Variants in RPTOR observed in about 807,000 individuals in gnomAD.
RPTOR encodes the protein regulatory associated protein of MTOR complex 1, also known as regulatory-associated protein of mTOR.
In RPTOR, 21 loss-of-function variants were observed where a neutral mutation model predicts 169.9. The ratio of observed to expected loss-of-function variants is 0.12; its 90% CI spans 0.09 to 0.18. The LOEUF (loss-of-function observed/expected upper bound fraction) is 0.18. Among genes scored for constraint, RPTOR ranks in the 10% least tolerant of loss-of-function variants. The pLI is 1.00. For missense variants in RPTOR, 1,133 were observed against 1,855.9 expected, an observed-to-expected ratio of 0.61 and a Z score of 7.16; for synonymous variants, 732 against 753.2, an observed-to-expected ratio of 0.97 and a Z score of 0.46.
intron 23 of RPTOR, 127 bp downstream of exon 23, chr17:80,923,800 G>A: frequency 2.9e-6 from 3 of 1,047,692 alleles, no homozygotes; most frequent in Non-Finnish European, 4.1e-6. Context: ...CTGCCGTCCT[G>A]GGTCTGTGGG....
intron 21 of RPTOR, among the ~76,000 whole-genome samples, chr17:80,910,046 C>G (rs2068593790): frequency 6.6e-6 from 1 of 152,144 alleles, no homozygotes; most frequent in Non-Finnish European, 1.5e-5. Flanking sequence ...GTCACTCTAC[C>G]CTTGAGCAGA....
intron 9 of RPTOR, among the ~76,000 whole-genome samples, chr17:80,825,549 G>C (rs1386751260): frequency 3.9e-5 from 6 of 152,224 alleles, no homozygotes; most frequent in Non-Finnish European, 7.3e-5. Flanking sequence ...AAAAAGGCCA[G>C]CTATTCTGCA....
At chr17:80,826,750 G>T (rs975761479) in intron 9 of RPTOR, among the ~76,000 whole-genome samples, 1 of 152,222 alleles carries the variant, frequency 6.6e-6, no homozygotes, top group Admixed American at 6.5e-5. Context: ...CCTCCAGTGG[G>T]GTGCACAGGG....
chr17:80,898,168 CA>C (rs1259308663), intron 20 of RPTOR, among the ~76,000 whole-genome samples: 1 of 152,144 alleles, frequency 6.6e-6, no homozygotes, highest in Non-Finnish European at 1.5e-5. Context: ...AAGCTAGCTT[CA>C]AAAAGTTTTA....
In RPTOR at chr17:80,757,059, TG is replaced by T. The variant is rs2066687769; in HGVS notation, c.830+2879del. 2.0e-5 allele frequency among the ~76,000 whole-genome samples: 3 copies of T among 151,842 alleles called. No individual in the cohort carries two copies. In the South Asian group the frequency reaches 6.2e-4, roughly 32 times the overall value. On this transcript the variant is annotated intron_variant, in intron 6 of 33. Coordinates refer to ENST00000306801, the MANE Select transcript of RPTOR (RefSeq NM_020761.3). Reference sequence around the variant, plus strand: ...AAATGAATGGCCTGGAAGACTACAGTGGGGGCTCACAGGAGGCCATGGGAAA... The same window carrying T: ...AAATGAATGGCCTGGAAGACTACAGTGGGGCTCACAGGAGGCCATGGGAAA...
intron 12 of RPTOR, among the ~76,000 whole-genome samples, chr17:80,856,343 A>T (rs528669411): frequency 9.2e-5 from 14 of 152,204 alleles, no homozygotes; most frequent in African/African-American, 3.1e-4. Flanking sequence ...ATATTCACCA[A>T]TGAAATCACA....
chr17:80,811,490 A>G (rs2067271176), intron 7 of RPTOR, among the ~76,000 whole-genome samples: 1 of 152,188 alleles, frequency 6.6e-6, no homozygotes, highest in Non-Finnish European at 1.5e-5. Context: ...TTCATTGAAG[A>G]TCATCTCACA....
At chr17:80,918,465 TCGCCGGAGTCATAGCCAC>T (rs2068702965) in intron 21 of RPTOR, among the ~76,000 whole-genome samples, 6 of 126,290 alleles carry the variant, frequency 4.8e-5, no homozygotes, top group Admixed American at 1.6e-4. Flanking sequence ...ACGAGCACCC[TCGCCGGAGTCATAGCCAC>T]GAGCACCCTC....
At chr17:80,602,695 T>G in intron 1 of RPTOR, 3 of 745,434 alleles carry the variant, frequency 4.0e-6, no homozygotes, top group East Asian at 5.1e-5. Flanking sequence ...GGGACATTCC[T>G]TATTCCTTTG....
At chr17:80,705,387 A>C (rs72849959) in intron 3 of RPTOR, among the ~76,000 whole-genome samples, 4,729 of 152,320 alleles carry the variant, frequency 0.031, 94 homozygotes, top group Non-Finnish European at 0.045. Flanking sequence ...GCCTTGGATT[A>C]GCTTTTGGTT....
At chr17:80,706,379 G>A (rs1433176438) in intron 3 of RPTOR, among the ~76,000 whole-genome samples, 3 of 152,136 alleles carry the variant, frequency 2.0e-5, no homozygotes, top group Admixed American at 1.3e-4. Flanking sequence ...GTAGCTCCTC[G>A]CATGACCCAC....
intron 26 of RPTOR, among the ~76,000 whole-genome samples, chr17:80,946,291 C>T (rs1461594523): frequency 2.0e-5 from 3 of 152,178 alleles, no homozygotes; most frequent in Non-Finnish European, 4.4e-5. Flanking sequence ...TGGTTCACAC[C>T]TCCATTTCTT....
chr17:80,575,241 C>T (rs971205350), intron 1 of RPTOR, among the ~76,000 whole-genome samples: 6 of 146,466 alleles, frequency 4.1e-5, no homozygotes, highest in East Asian at 4.2e-4. Context: ...TGGCTCCTTC[C>T]GCCTTGGCCT....
intron 3 of RPTOR, among the ~76,000 whole-genome samples, chr17:80,668,882 A>C (rs943536204): frequency 3.3e-5 from 5 of 152,240 alleles, no homozygotes; most frequent in African/African-American, 9.6e-5. Context: ...AACTGTTTTA[A>C]AGGTCAGATT....
chr17:80,647,459 C>G (rs148163518), intron 3 of RPTOR, among the ~76,000 whole-genome samples: 49 of 152,136 alleles, frequency 3.2e-4, no homozygotes, highest in African/African-American at 9.6e-4. Flanking sequence ...CAGTTTAGTA[C>G]AGGATGGAAG....
chr17:80,835,640 G>A (rs551707331), intron 9 of RPTOR, among the ~76,000 whole-genome samples: 19 of 152,180 alleles, frequency 1.2e-4, no homozygotes, highest in Non-Finnish European at 2.2e-4. Context: ...CCGACCTTGC[G>A]GGCGCAAACT....
intron 3 of RPTOR, among the ~76,000 whole-genome samples, chr17:80,681,931 CGGT>C (rs960481794): frequency 6.6e-6 from 1 of 151,890 alleles, no homozygotes; most frequent in Non-Finnish European, 1.5e-5. Context: ...AATATTCTCT[CGGT>C]GTATTAGAAT....
intron 24 of RPTOR, among the ~76,000 whole-genome samples, chr17:80,938,683 GTGT>G (rs1248688667): frequency 1.3e-5 from 2 of 152,110 alleles, no homozygotes; most frequent in African/African-American, 4.8e-5. Context: ...CTTTTTTGCT[GTGT>G]TGTTGCTGTT....
intron 20 of RPTOR, among the ~76,000 whole-genome samples, chr17:80,896,564 AGCCGCGCCGACACCCCACACG>A (rs1310840301): frequency 7.0e-3 from 147 of 21,112 alleles, no homozygotes; most frequent in African/African-American, 0.014. Flanking sequence ...CACCCCACAC[AGCCGCGCCGACACCCCACACG>A]GCCGCGCCGT....
Sources: gnomAD v4.1 joint callset for allele counts (sites outside exome capture counted in the v4.1 genomes callset) on GRCh38, gnomAD v4.1.1 for gene constraint, MANE v1.5 for transcripts, NCBI Gene and HGNC (gene_info 2026-07-23, HGNC 2026-07-21) for gene names.